The following DAB1 variants were observed in gnomAD, a reference collection of about 807,000 sequenced individuals.
DAB1 encodes the protein disabled homolog 1.
A neutral mutation model predicts 64.6 loss-of-function variants in DAB1; 15 were observed. The observed-to-expected ratio is 0.23, with a 90% CI of 0.16 to 0.36. The LOEUF is 0.36. DAB1 is among the 10% of genes least tolerant of loss of function. The pLI is 1.00. For missense variants in DAB1, 596 were observed against 706.7 expected (o/e 0.84, Z 1.78); for synonymous variants, 235 against 251.9 (o/e 0.93, Z 0.64).
chr1:57,925,318 C>T (rs962392137), intron 5 of DAB1, among the ~76,000 whole-genome samples: 30 of 152,330 alleles, frequency 2.0e-4, no homozygotes, highest in Admixed American at 5.9e-4. Context: ...AGAACCTTTT[C>T]AAGCCACTGG....
intron 1 of DAB1, among the ~76,000 whole-genome samples, chr1:57,415,248 C>CACAG (rs574438107): frequency 7.9e-6 from 1 of 126,780 alleles, no homozygotes; most frequent in Non-Finnish European, 1.6e-5. Flanking sequence ...CCTCACACAA[C>CACAG]ACACACACAC....
chr1:57,319,146 G>C (rs1003762336), intron 1 of DAB1, among the ~76,000 whole-genome samples: 1 of 152,114 alleles, frequency 6.6e-6, no homozygotes, highest in Non-Finnish European at 1.5e-5. Context: ...TGGCCCCAGG[G>C]CTGCTGCTAA....
intron 5 of DAB1, among the ~76,000 whole-genome samples, chr1:57,944,730 T>A (rs1259563918): frequency 6.6e-6 from 1 of 152,126 alleles, no homozygotes; most frequent in Non-Finnish European, 1.5e-5. Flanking sequence ...CATACACACA[T>A]ATATAACCTC....
chr1:58,473,055 C>A (rs980894711), intron 3 of DAB1, among the ~76,000 whole-genome samples: 3 of 152,180 alleles, frequency 2.0e-5, no homozygotes, highest in African/African-American at 4.8e-5. Context: ...GTAATTTAAA[C>A]GACATTTCCC....
At chr1:57,506,776 C>T (rs1488817214) in intron 7 of DAB1, among the ~76,000 whole-genome samples, 4 of 152,210 alleles carry the variant, frequency 2.6e-5, no homozygotes, top group South Asian at 2.1e-4. Context: ...ATGGCTCCAA[C>T]GGCTCTGTAG....
chr1:58,328,315 C>A lies in DAB1; in HGVS notation n.309+15037G>T, dbSNP rs1662887168. Among the ~76,000 whole-genome samples, 3 of 152,252 alleles carry A rather than the reference C, an allele frequency of 2.0e-5. 1 individual carries two copies. The South Asian group carries it at 6.2e-4, about 31-fold the overall frequency. ...GCTTTCTAAGTAGCTCTCAAAGCAG[C>A]CCTGCTTCTCCAACCCTACTCCCGT... On this transcript the variant is annotated intron_variant and non_coding_transcript_variant, in intron 4 of 20. Transcript: ENST00000485760.
intron 4 of DAB1, among the ~76,000 whole-genome samples, chr1:58,261,896 C>T (rs1417651003): frequency 3.3e-5 from 5 of 152,150 alleles, no homozygotes; most frequent in East Asian, 3.9e-4. Context: ...TCCTCAGATA[C>T]CCCCAGGTAG....
chr1:57,718,649 TAA>T (rs1281821155), intron 6 of DAB1, among the ~76,000 whole-genome samples: 1 of 152,156 alleles, frequency 6.6e-6, no homozygotes, highest in Non-Finnish European at 1.5e-5. Context: ...ATAGTTACAA[TAA>T]ACAGAATCCA....
At chr1:58,367,064 G>A (rs1372417399) in intron 3 of DAB1, among the ~76,000 whole-genome samples, 4 of 151,938 alleles carry the variant, frequency 2.6e-5, no homozygotes, top group African/African-American at 4.8e-5. Context: ...CTTATAATCC[G>A]TGAGTTAGTG....
At chr1:57,633,593 C>G (rs574108141) in intron 7 of DAB1, among the ~76,000 whole-genome samples, 1 of 152,312 alleles carries the variant, frequency 6.6e-6, no homozygotes, top group East Asian at 1.9e-4. Context: ...TTTTCTAAGG[C>G]TGGCATTGTA....
intron 1 of DAB1, among the ~76,000 whole-genome samples, chr1:57,316,702 A>T (rs1675241353): frequency 6.6e-6 from 1 of 152,238 alleles, no homozygotes; most frequent in African/African-American, 2.4e-5. Context: ...TTGTTCAGTG[A>T]GAACCATTTA....
intron 1 of DAB1, among the ~76,000 whole-genome samples, chr1:57,406,884 A>G (rs1384827757): frequency 6.6e-6 from 1 of 152,236 alleles, no homozygotes; most frequent in Non-Finnish European, 1.5e-5. Flanking sequence ...CAAAGTCACC[A>G]TCATATCAGC....
chr1:57,084,580 G>A (rs1432387174), intron 4 of DAB1, among the ~76,000 whole-genome samples: 2 of 152,140 alleles, frequency 1.3e-5, no homozygotes, highest in South Asian at 2.1e-4. Flanking sequence ...TGAGACAAGG[G>A]TTAAAAGAAA....
chr1:58,167,767 C>A (rs973819586), intron 4 of DAB1, among the ~76,000 whole-genome samples: 10 of 152,184 alleles, frequency 6.6e-5, no homozygotes, highest in African/African-American at 2.4e-4. Context: ...GGACGCACCA[C>A]CTTTAAGAGT....
chr1:57,894,096 AC>A lies in DAB1; in HGVS notation n.388-9935del, dbSNP rs5774377. On this transcript the variant is annotated intron_variant and non_coding_transcript_variant, in intron 5 of 20. Transcript: ENST00000485760. ...AGGGAAGAATCAGGGGAGAAGGGAC[AC>A]CTGTCCCCGGAAGTATGCCAACGTA... Among the ~76,000 whole-genome samples, 819 of 152,266 alleles carry A rather than the reference AC, an allele frequency of 5.4e-3. 15 individuals are homozygous for A. Among genetic ancestry groups the A allele is most frequent in the Admixed American group, 0.029 (436 of 15,292 alleles).
chr1:57,459,332 T>C (rs753172134), intron 7 of DAB1, among the ~76,000 whole-genome samples: 2 of 152,178 alleles, frequency 1.3e-5, no homozygotes, highest in Non-Finnish European at 2.9e-5. Flanking sequence ...ACAATTTATA[T>C]AACCATTCTC....
At chr1:58,323,234 TATAATAATA>T (rs146067591) in intron 4 of DAB1, among the ~76,000 whole-genome samples, 9,101 of 145,868 alleles carry the variant, frequency 0.062, 788 homozygotes, top group East Asian at 0.23. Flanking sequence ...GAACTTAAAG[TATAATAATA>T]ATAATAATAA....
chr1:57,527,924 A>G (rs956237094), intron 7 of DAB1, among the ~76,000 whole-genome samples: 13 of 152,164 alleles, frequency 8.5e-5, no homozygotes, highest in Non-Finnish European at 1.6e-4. Context: ...TTTGCTGAGC[A>G]AAACGTCCCT....
upstream of DAB1, among the ~76,000 whole-genome samples, chr1:57,884,472 C>T (rs149780738): frequency 1.3e-3 from 204 of 152,306 alleles, 2 homozygotes; most frequent in African/African-American, 4.7e-3. Flanking sequence ...GTTAAACATA[C>T]ACAGGCTAAA....
Sources: gnomAD v4.1 joint callset for allele counts (sites outside exome capture counted in the v4.1 genomes callset) on GRCh38, gnomAD v4.1.1 for gene constraint, MANE v1.5 for transcripts, NCBI Gene and HGNC (gene_info 2026-07-23, HGNC 2026-07-21) for gene names.